Variants in SNTG2 observed in about 807,000 individuals in gnomAD.
The protein encoded by SNTG2 is gamma-2-syntrophin.
In SNTG2, 74 loss-of-function variants were observed where a neutral mutation model predicts 70.9. The ratio of observed to expected loss-of-function variants is 1.04; its 90% confidence interval spans 0.86 to 1.27. The LOEUF (loss-of-function observed/expected upper bound fraction) is 1.27. Among genes scored for constraint, SNTG2 ranks in the 50% most tolerant of loss-of-function variants. The pLI is 0.00. For synonymous variants in SNTG2, 278 were observed against 273.8 expected (o/e 1.02, Z -0.15); for missense variants, 717 against 690.7 (o/e 1.04, Z -0.43).
rs992824579 is a variant in SNTG2, at chr2:1,272,499, A to G, written c.1284+4928A>G. On this transcript the variant is annotated intron_variant, in intron 14 of 16. Coordinates refer to ENST00000308624, the MANE Select transcript of SNTG2 (RefSeq NM_018968.4). ...AAAAAAAAAAAAGGATTCTGTTAGG[A>G]CATCCCAGGAGCAGGTGTAGAAAGG... is the stretch of plus-strand genomic sequence containing the variant. Among the ~76,000 whole-genome samples, 8 of 146,554 alleles carry G rather than the reference A, an allele frequency of 5.5e-5. 1 individual carries two copies. Among genetic ancestry groups the G allele is most frequent in the African/African-American group, 1.5e-4 (6 of 38,958 alleles).
intron 2 of SNTG2, among the ~76,000 whole-genome samples, chr2:1,084,372 C>G (rs1664542948): frequency 6.6e-6 from 1 of 152,208 alleles, no homozygotes; most frequent in Admixed American, 6.5e-5. Context: ...AACCGTTCTG[C>G]TGTTGATGTG....
chr2:1,245,776 A>T (rs1677386978), intron 11 of SNTG2, among the ~76,000 whole-genome samples: 1 of 152,232 alleles, frequency 6.6e-6, no homozygotes, highest in African/African-American at 2.4e-5. Context: ...ACACTGGAGG[A>T]GTAAATTACA....
chr2:1,021,935 GC>G (rs1660200282), intron 1 of SNTG2, among the ~76,000 whole-genome samples: 1 of 45,002 alleles, frequency 2.2e-5, no homozygotes, highest in Non-Finnish European at 4.6e-5. Context: ...TGTTTTATGT[GC>G]TTTTTTTTTT....
At position 1,308,083 on chromosome 2, in the gene SNTG2, C is replaced by G. The variant is rs559776719; in HGVS notation, c.1285-411C>G. Among the ~76,000 whole-genome samples the G allele has an allele frequency of 1.9e-3, 282 of 152,238 alleles. 1 individual carries two copies. The highest frequency in any genetic ancestry group is 6.4e-3 in the African/African-American group (266 of 41,542). On this transcript the variant is annotated intron_variant, in intron 14 of 16. Transcript: ENST00000308624. ...GGAAAGTGCCGCTTCCAGCTTCTGCCGGAACATGCTTGTGGGCCTCATGCA... is the reference window on the plus strand; with the variant it reads ...GGAAAGTGCCGCTTCCAGCTTCTGCGGGAACATGCTTGTGGGCCTCATGCA...
intron 12 of SNTG2, among the ~76,000 whole-genome samples, chr2:1,256,999 C>T (rs1337752065): frequency 1.3e-5 from 2 of 151,090 alleles, no homozygotes; most frequent in Non-Finnish European, 2.9e-5. Flanking sequence ...GTTTTTTGGA[C>T]GATTTTAGAT....
chr2:1,032,532 T>C (rs1660897835), intron 1 of SNTG2, among the ~76,000 whole-genome samples: 2 of 152,194 alleles, frequency 1.3e-5, no homozygotes, highest in African/African-American at 2.4e-5. Flanking sequence ...ACTTATTTGA[T>C]ACATTTAAAT....
intron 1 of SNTG2, among the ~76,000 whole-genome samples, chr2:1,066,699 C>T (rs1049871808): frequency 2.0e-5 from 3 of 152,008 alleles, no homozygotes; most frequent in Non-Finnish European, 2.9e-5. Context: ...TAAGAGAAGA[C>T]GATGCTTCAA....
At chr2:1,271,668 T>A (rs1233064404) in intron 14 of SNTG2, among the ~76,000 whole-genome samples, 1 of 152,098 alleles carries the variant, frequency 6.6e-6, no homozygotes, top group East Asian at 1.9e-4. Context: ...CCCCTCCCAG[T>A]CATAAGATGC....
chr2:1,031,621 C>G (rs1261112773), intron 1 of SNTG2, among the ~76,000 whole-genome samples: 1 of 148,258 alleles, frequency 6.7e-6, no homozygotes, highest in Non-Finnish European at 1.5e-5. Context: ...ACCTCCGCCT[C>G]CAGGGTTCAA....
chr2:1,197,431 T>C (rs1672975905), intron 8 of SNTG2, among the ~76,000 whole-genome samples: 1 of 141,944 alleles, frequency 7.0e-6, no homozygotes, highest in Non-Finnish European at 1.5e-5. Flanking sequence ...ATAAAAATTC[T>C]AAATACACAT....
chr2:1,077,275 T>A (rs1203934366), intron 1 of SNTG2, among the ~76,000 whole-genome samples: 1 of 152,202 alleles, frequency 6.6e-6, no homozygotes, highest in Non-Finnish European at 1.5e-5. Context: ...TTCTGTGCGT[T>A]CACACACACC....
rs1306408629 is a variant in SNTG2, at chr2:1,165,549, T to C, written c.413T>C (p.Val138Ala). The C allele has an allele frequency of 1.2e-6, 2 of 1,611,906 alleles. No individual in the cohort carries two copies. The highest frequency in any genetic ancestry group is 3.4e-5 in the Admixed American group (2 of 59,606). ...TAGCTATTTTTGTCATATTGACAGG[T>C]GCATCTGCTGAGAAATGCTGGCGAT... ...HVENATHEEV[V>A]HLLRNAGDEV... Residue 138 changes from valine to alanine, a missense_variant and splice_region_variant, in exon 7 of 17, where the codon GTG (valine) becomes GCG (alanine). Transcript: ENST00000308624.
At chr2:1,119,885 C>G (rs1409117056) in intron 4 of SNTG2, among the ~76,000 whole-genome samples, 4 of 152,038 alleles carry the variant, frequency 2.6e-5, no homozygotes, top group Non-Finnish European at 2.9e-5. Flanking sequence ...CCTTTTCTAT[C>G]AATAATCACT....
chr2:1,305,459 G>A (rs1005141391), intron 14 of SNTG2, among the ~76,000 whole-genome samples: 2 of 152,316 alleles, frequency 1.3e-5, no homozygotes, highest in South Asian at 2.1e-4. Flanking sequence ...AGGATTTGGG[G>A]TGTGTGTGCC....
intron 16 of SNTG2, among the ~76,000 whole-genome samples, chr2:1,324,330 G>C (rs1352161375): frequency 3.9e-5 from 6 of 152,290 alleles, no homozygotes; most frequent in African/African-American, 1.2e-4. Flanking sequence ...CTAGTCTTTG[G>C]AATGCCACAG....
chr2:1,112,378 A>G (rs1572461343), intron 4 of SNTG2, among the ~76,000 whole-genome samples: 1 of 151,614 alleles, frequency 6.6e-6, no homozygotes, highest in South Asian at 2.1e-4. Context: ...CTGAGGTTTA[A>G]TCCTCACAGT....
intron 8 of SNTG2, among the ~76,000 whole-genome samples, chr2:1,185,798 C>T (rs562492109): frequency 6.6e-6 from 1 of 152,194 alleles, no homozygotes; most frequent in Non-Finnish European, 1.5e-5. Flanking sequence ...CTAAGAAGGT[C>T]CCTGAAATGT....
rs1558551688 is a variant in SNTG2 at position 1,221,865 on chromosome 2, G to GCC, written c.719+12635_719+12636insCC. On this transcript the variant is annotated intron_variant, in intron 9 of 16. Coordinates refer to ENST00000308624, the MANE Select transcript of SNTG2 (RefSeq NM_018968.4). The stretch of plus-strand genomic sequence containing the variant: ...TGTCTCTGTCTCTGTCTCTGTCTCT[G>GCC]TCTCTCTCTCTCTCTGTCTCTGTCT... 2.7e-4 allele frequency among the ~76,000 whole-genome samples: 4 copies of GCC among 15,016 alleles called. 2 individuals are homozygous for GCC. The highest frequency in any genetic ancestry group is 2.2e-4 in the Non-Finnish European group (2 of 9,240). The allele number at this position is 15,016 out of a possible 152,430, so 9.9% of individuals were successfully genotyped here.
intron 10 of SNTG2, among the ~76,000 whole-genome samples, chr2:1,238,282 C>T (rs1676819343): frequency 6.6e-6 from 1 of 152,140 alleles, no homozygotes; most frequent in South Asian, 2.1e-4. Context: ...GTCTCTCTCC[C>T]TCCCTTCCTC....
Sources: allele counts gnomAD v4.1 joint callset (sites outside exome capture counted in the v4.1 genomes callset), GRCh38; gene constraint gnomAD v4.1.1; transcripts MANE v1.5; gene names NCBI Gene and HGNC (gene_info 2026-07-23, HGNC 2026-07-21).